OBSL1: variants seen among roughly 807,000 people sequenced by gnomAD.
OBSL1 encodes the protein obscurin-like protein 1.
Under a neutral mutation model 172.0 loss-of-function variants are expected in OBSL1, and 160 were observed. The observed-to-expected ratio is 0.93, with a 90% CI of 0.82 to 1.06. OBSL1 has a LOEUF of 1.06. Among genes scored for constraint, OBSL1 ranks in the 50% least tolerant of loss-of-function variants. The probability of loss-of-function intolerance (pLI) is 0.00; values close to 1 mark genes in which losing one functional copy is unlikely to be tolerated. For synonymous variants in OBSL1, 1,200 were observed against 1,196.3 expected (o/e 1.00, Z -0.06); for missense variants, 2,681 against 2,715.4 (o/e 0.99, Z 0.28).
At chr2:219,561,754 AG>A in intron 8 of OBSL1, 2 of 664,512 alleles carry the variant, frequency 3.0e-6, no homozygotes, top group South Asian at 3.4e-5. Flanking sequence ...GGTTTAACAC[AG>A]GGGTCGCAAA....
At chr2:219,570,082 C>A (rs576367601) in intron 1 of OBSL1, 139 bp downstream of exon 1, 21 of 739,928 alleles carry the variant, frequency 2.8e-5, no homozygotes, top group Middle Eastern at 3.9e-4. Context: ...GAGAGGCGGG[C>A]GGGTTTGGTA....
At chr2:219,549,244 C>T (rs554998281), downstream of OBSL1, 13 of 1,613,864 alleles carry the variant, frequency 8.1e-6, no homozygotes, top group South Asian at 3.3e-5. Flanking sequence ...GAGACCTCCT[C>T]GGGCTCCCCT....
rs777445212 is a variant in OBSL1, at chr2:219,557,503, C to T, written c.3906G>A (p.Trp1302Ter). Residue 1302 changes from tryptophan (W) to a stop codon, truncating the protein, a stop_gained, in exon 12 of 21, where the codon TGG (tryptophan) becomes TGA (stop). Coordinates refer to ENST00000404537, the MANE Select transcript of OBSL1 (RefSeq NM_015311.3). LOFTEE classifies it high-confidence loss of function. ...HLSGPGGPVR[W>*]YKDGERLASQ... Reference sequence around the variant, plus strand: ...TTGCCAGTCGCTCCCCGTCCTTGTACCAGCGTACAGGGCCCCCTGGCCCGG... The same window carrying T: ...TTGCCAGTCGCTCCCCGTCCTTGTATCAGCGTACAGGGCCCCCTGGCCCGG... 2.6e-6 allele frequency: 4 copies of T among 1,553,476 alleles called. No homozygotes were observed. The highest frequency in any genetic ancestry group is 1.7e-6 in the Non-Finnish European group (2 of 1,149,172).
Position 219,563,642 on chromosome 2 carries a change from G to A in OBSL1, c.2408-15C>T, listed in dbSNP as rs1393735749. 6.2e-7 allele frequency: 1 copy of A among 1,607,238 alleles called. No individual in the cohort carries two copies. The highest frequency in any genetic ancestry group is 8.5e-7 in the Non-Finnish European group (1 of 1,175,362). On this transcript the variant is annotated splice_polypyrimidine_tract_variant and intron_variant, in intron 6 of 20. Transcript: ENST00000404537. ...CACGGGAGGATCTGGGTGGGAAGCA[G>A]AGATGGCATTGCACAGACACCCCCG...
In OBSL1 at chr2:219,562,021, C is replaced by T. The variant is rs775350817; in HGVS notation, c.2953+381G>A. On this transcript the variant is annotated intron_variant, in intron 8 of 20. Coordinates refer to ENST00000404537, the MANE Select transcript of OBSL1 (RefSeq NM_015311.3). ...CTTTGGTAAGACTCTGCAGACCAAA[C>T]AAAGCACATGTGTGGAATGCGCAGG... 8.4e-6 allele frequency: 6 copies of T among 717,526 alleles called. No individual in the cohort carries two copies. In the South Asian group the frequency reaches 8.9e-5, roughly 11 times the overall value. 44.4% of individuals were successfully genotyped at this position (717,526 alleles called of 1,614,324 possible). A position where few individuals can be genotyped will look rare whatever the true frequency, so the allele number is the denominator to read the frequency against.
At chr2:219,555,706 A>G in intron 14 of OBSL1, 2 of 1,177,724 alleles carry the variant, frequency 1.7e-6, no homozygotes, top group Non-Finnish European at 2.1e-6. Flanking sequence ...CTGCTACTTA[A>G]GTGGGTATGT....
Position 219,571,115 on chromosome 2 carries a change from G to T in OBSL1, c.118C>A (p.Pro40Thr), listed in dbSNP as rs1244623958. The T allele has an allele frequency of 6.8e-7, 1 of 1,470,592 alleles. No individual in the cohort carries two copies. Among genetic ancestry groups the T allele is most frequent in the East Asian group, 2.9e-5 (1 of 34,500 alleles). 91.1% of individuals were successfully genotyped at this position (1,470,592 alleles called of 1,614,324 possible). ...ELKCVVLGEP[P>T]PVVVWEKGGQ... ...CCCTTCTCCCACACCACTACAGGCGGCGGCTCCCCCAGGACCACGCACTTG... is the reference window on the plus strand; with the variant it reads ...CCCTTCTCCCACACCACTACAGGCGTCGGCTCCCCCAGGACCACGCACTTG... Residue 40 changes from proline to threonine, a missense_variant, in exon 1 of 21, where the codon CCG (proline) becomes ACG (threonine). By Grantham distance (38) the Pro-to-Thr change is conservative. Transcript: ENST00000404537.
chr2:219,553,414 C>T (rs1327767452), intron 16 of OBSL1, among the ~76,000 whole-genome samples, 160 bp downstream of exon 16: 1 of 152,188 alleles, frequency 6.6e-6, no homozygotes, highest in Non-Finnish European at 1.5e-5. Context: ...GTGACAAGAC[C>T]TACCTCCTAG....
intron 4 of OBSL1, 42 bp from the exon 5 acceptor site, chr2:219,567,168 T>TGGCAGAG: frequency 6.3e-7 from 1 of 1,597,822 alleles, no homozygotes; most frequent in Non-Finnish European, 8.5e-7. Flanking sequence ...CTAGAAGGTG[T>TGGCAGAG]GGCAGAGGGC....
chr2:219,567,544 T>C lies in OBSL1; in HGVS notation c.1566A>G (p.Ile522Met), dbSNP rs1697001702. 1.2e-6 allele frequency: 2 copies of C among 1,612,550 alleles called. No individual in the cohort carries two copies. Among genetic ancestry groups the C allele is most frequent in the Non-Finnish European group, 1.7e-6 (2 of 1,178,928 alleles). ...CVKHSPPGPPILAEMFKGHKN... is the reference protein window; with the variant it reads ...CVKHSPPGPPMLAEMFKGHKN... ...TGTGGCCCTTGAACATCTCTGCCAA[T>C]ATGGGGGGTCCTGGGGGACTGTGCT... Residue 522 changes from isoleucine to methionine, a missense_variant, in exon 4 of 21, where the codon ATA becomes ATG. Around this residue, in one of 5 missense-constraint regions of OBSL1, gnomAD observed 706 missense variants for 695.8 expected, o/e 1.01. Coordinates refer to ENST00000404537, the MANE Select transcript of OBSL1 (RefSeq NM_015311.3).
chr2:219,554,392 A>G lies in OBSL1; in HGVS notation c.4876+82T>C, dbSNP rs572756129. The stretch of plus-strand genomic sequence containing the variant: ...GACAGGCATGGTCAGTGGGGGTCAC[A>G]CGAGTTGGGGGTCAGTATTCATGCC... On this transcript the variant is annotated intron_variant, in intron 15 of 20. Coordinates refer to ENST00000404537, the MANE Select transcript of OBSL1 (RefSeq NM_015311.3). 3 of 1,509,210 alleles carry G rather than the reference A, an allele frequency of 2.0e-6. No individual in the cohort carries two copies. In the African/African-American group the frequency reaches 4.1e-5, roughly 21 times the overall value. The allele number at this position is 1,509,210 out of a possible 1,614,324, so 93.5% of individuals were successfully genotyped here.
rs747197806 is a variant in OBSL1 at position 219,554,573 on chromosome 2, G to A, written c.4777C>T (p.Arg1593Cys). 1.1e-5 allele frequency: 17 copies of A among 1,613,408 alleles called. No individual in the cohort carries two copies. The highest frequency in any genetic ancestry group is 2.2e-5 in the South Asian group (2 of 91,070). ...AGGCCATTGAGTACCAGTCGGTGAC[G>A]GTGGCCGTCCGAGTGGATGTGACAC... The part of the protein sequence containing the change: ...PKCHIHSDGH[R>C]HRLVLNGLGL... The change falls in exon 15 of 21, where the codon CGT (arginine) becomes TGT (cysteine). Residue 1593 changes from arginine to cysteine, a missense_variant. By Grantham distance (180) the Arg-to-Cys change is radical. This residue lies in a region of OBSL1 where 1,765 missense variants were observed against 1,748.3 expected (regional missense o/e 1.01). Transcript: ENST00000404537.
chr2:219,566,860 C>T lies in OBSL1; in HGVS notation c.2104G>A (p.Val702Met), dbSNP rs199890334. 115 of 1,597,242 alleles carry T rather than the reference C, an allele frequency of 7.2e-5. No individual in the cohort carries two copies. The highest frequency in any genetic ancestry group is 3.3e-4 in the Middle Eastern group (2 of 6,020). ...ATTGTGAGGGCAGCTGAGTCCTGCACGCCGGGGCAGCTGAAGCCGACCAGG... is the reference window on the plus strand; with the variant it reads ...ATTGTGAGGGCAGCTGAGTCCTGCATGCCGGGGCAGCTGAAGCCGACCAGG... ...GALVGFSCPG[V>M]QDSAALTIQE... The change falls in exon 5 of 21, where the codon GTG (valine) becomes ATG (methionine). Residue 702 changes from valine to methionine, a missense_variant. By Grantham distance (21) the Val-to-Met change is conservative (BLOSUM62 1). Coordinates refer to ENST00000404537, the MANE Select transcript of OBSL1 (RefSeq NM_015311.3).
chr2:219,547,942 G>A (rs746316131), downstream of OBSL1: 2 of 1,593,928 alleles, frequency 1.3e-6, no homozygotes, highest in South Asian at 2.2e-5. Flanking sequence ...GGCGCTACGT[G>A]GTGGAGCGAC....
Position 219,552,670 on chromosome 2 carries a change from AGCTC to A in OBSL1, c.5170_5173del (p.Glu1724CysfsTer4). 6.5e-7 allele frequency: 1 copy of A among 1,537,364 alleles called. No individual in the cohort carries two copies. The highest frequency in any genetic ancestry group is 8.7e-7 in the Non-Finnish European group (1 of 1,145,484). ...GCCTTCGCGGGCGCTCACCGACCGC[AGCTC>A]GGAGAGTACCGCCACAGTACGCTCT... is the stretch of plus-strand genomic sequence containing the variant. On this transcript the variant is annotated frameshift_variant, in exon 18 of 21. Coordinates refer to ENST00000404537, the MANE Select transcript of OBSL1 (RefSeq NM_015311.3). LOFTEE classifies it high-confidence loss of function.
intron 6 of OBSL1, 95 bp downstream of exon 6, chr2:219,565,147 G>T (rs1007266364): frequency 3.8e-6 from 5 of 1,322,532 alleles, no homozygotes; most frequent in East Asian, 2.5e-5. Context: ...CCCTGTAAAG[G>T]ACTCCCCCAA....
At position 219,562,488 on chromosome 2, in the gene OBSL1, A is replaced by C. The variant is rs555432065; in HGVS notation, c.2867T>G (p.Val956Gly). The change falls in exon 8 of 21, where the codon GTG becomes GGG. Residue 956 changes from valine to glycine, a missense_variant. Physicochemically the swap from Val to Gly is moderately radical, Grantham distance 109. Around this residue, in one of 5 missense-constraint regions of OBSL1, gnomAD observed 1,765 missense variants for 1,748.3 expected, o/e 1.01. Coordinates refer to ENST00000404537, the MANE Select transcript of OBSL1 (RefSeq NM_015311.3). ...GTCCTCGAGCTGGACAGCGGGCAGC[A>C]CCAGGCGGCGGACAGTGTCTTCCTT... ...LQKEDTVRRL[V>G]LPAVQLEDSG... 1 of 1,613,912 alleles carries C rather than the reference A, an allele frequency of 6.2e-7. No homozygotes were observed. The highest frequency in any genetic ancestry group is 8.5e-7 in the Non-Finnish European group (1 of 1,179,896).
In OBSL1 at chr2:219,571,312, C is replaced by G; in HGVS notation, c.-80G>C. The G allele has an allele frequency of 2.3e-5, 15 of 652,868 alleles. No homozygotes were observed. The highest frequency in any genetic ancestry group is 4.7e-5 in the Admixed American group (1 of 21,094). 40.4% of individuals were successfully genotyped at this position (652,868 alleles called of 1,614,324 possible). A position where few individuals can be genotyped will look rare whatever the true frequency, so the allele number is the denominator to read the frequency against. ...GAGGGCGAGCCGAGGCCCGGGGCGGCGGGGTCGGGGCGCGGCTGGGGACTG... is the reference window on the plus strand; with the variant it reads ...GAGGGCGAGCCGAGGCCCGGGGCGGGGGGGTCGGGGCGCGGCTGGGGACTG... On this transcript the variant is annotated 5_prime_UTR_variant, in exon 1 of 21. Transcript: ENST00000404537.
intron 14 of OBSL1, chr2:219,555,215 A>C (rs10932815): frequency 0.96 from 151,363 of 157,040 alleles, 73,117 homozygotes; most frequent in East Asian, 1. Flanking sequence ...GATGTGTCAC[A>C]AATGACAACC....
Sources: gnomAD v4.1 joint callset for allele counts (sites outside exome capture counted in the v4.1 genomes callset) on GRCh38, gnomAD v4.1.1 for gene constraint, gnomAD v4.1.1 regional missense constraint, MANE v1.5 for transcripts, NCBI Gene and HGNC (gene_info 2026-07-23, HGNC 2026-07-21) for gene names.